TAX1BP1: variants seen among roughly 807,000 people sequenced by gnomAD.
TAX1BP1 encodes the protein Tax1 binding protein 1.
In TAX1BP1, 62 loss-of-function variants were observed where a neutral mutation model predicts 97.7. The ratio of observed to expected loss-of-function variants is 0.63; its 90% confidence interval spans 0.52 to 0.78. TAX1BP1 has a LOEUF of 0.78. TAX1BP1 is among the 30% of genes least tolerant of loss of function. The pLI is 0.00. For synonymous variants in TAX1BP1, 340 were observed against 304.2 expected (o/e 1.12, Z -1.23); for missense variants, 867 against 916.1 (o/e 0.95, Z 0.69).
chr7:27,800,143 A>G, intron 13 of TAX1BP1, 53 bp downstream of exon 13: 2 of 1,458,876 alleles, frequency 1.4e-6, no homozygotes, highest in Non-Finnish European at 1.8e-6. Context: ...TCTGAAAATT[A>G]GTTATGTATA....
rs1054048756 is a variant in TAX1BP1, at chr7:27,810,226, G to A, written c.1765-6123G>A. On this transcript the variant is annotated intron_variant, in intron 13 of 16. Transcript: ENST00000396319. Reference sequence around the variant, plus strand: ...ACAGCCCTTTTTTTTTTTTTGAATCGTGTTTGAAATGTTTCTTGGATTTAA... The same window carrying A: ...ACAGCCCTTTTTTTTTTTTTGAATCATGTTTGAAATGTTTCTTGGATTTAA... Among the ~76,000 whole-genome samples the A allele has an allele frequency of 1.9e-4, 29 of 149,252 alleles. 1 individual carries two copies. The East Asian group carries it at 3.9e-3, about 20-fold the overall frequency.
chr7:27,792,426 A>G (rs1165842217), intron 9 of TAX1BP1, among the ~76,000 whole-genome samples, 196 bp downstream of exon 9: 1 of 152,230 alleles, frequency 6.6e-6, no homozygotes, highest in Non-Finnish European at 1.5e-5. Context: ...TTCTGTAAGC[A>G]GAATTCTTAA....
At chr7:27,761,602 T>G (rs768401426) in intron 3 of TAX1BP1, among the ~76,000 whole-genome samples, 23 of 152,252 alleles carry the variant, frequency 1.5e-4, no homozygotes, top group Non-Finnish European at 2.9e-4. Context: ...CTTTTCAGAT[T>G]GGCTTCTTTT....
chr7:27,787,701 T>C (rs1789540928), intron 8 of TAX1BP1, 98 bp downstream of exon 8: 1 of 1,165,448 alleles, frequency 8.6e-7, no homozygotes, highest in Admixed American at 3.2e-5. Context: ...GCTTTTGTTC[T>C]AAAAAAGTTC....
intron 11 of TAX1BP1, among the ~76,000 whole-genome samples, chr7:27,794,898 G>T (rs566756515): frequency 6.6e-6 from 1 of 151,944 alleles, no homozygotes; most frequent in African/African-American, 2.4e-5. Context: ...TGGCTGCTTT[G>T]GATCAATGGG....
intron 3 of TAX1BP1, among the ~76,000 whole-genome samples, chr7:27,764,714 GT>G (rs1242152444): frequency 4.6e-5 from 7 of 151,990 alleles, no homozygotes; most frequent in Non-Finnish European, 1.0e-4. Flanking sequence ...TTATTGTGGT[GT>G]TTGCCTAATG....
chr7:27,767,731 A>G (rs1788694710), intron 4 of TAX1BP1, among the ~76,000 whole-genome samples: 1 of 152,040 alleles, frequency 6.6e-6, no homozygotes, highest in African/African-American at 2.4e-5. Context: ...TGGCATTCAC[A>G]TTTATCTTGT....
At chr7:27,826,678 C>T (rs965387001) in intron 15 of TAX1BP1, among the ~76,000 whole-genome samples, 4 of 152,190 alleles carry the variant, frequency 2.6e-5, no homozygotes, top group African/African-American at 4.8e-5. Flanking sequence ...TGATGTAGCA[C>T]GTACAGATCT....
chr7:27,777,953 A>G (rs958595584), intron 5 of TAX1BP1, among the ~76,000 whole-genome samples: 1 of 152,138 alleles, frequency 6.6e-6, no homozygotes, highest in African/African-American at 2.4e-5. Flanking sequence ...TTATCTTGGC[A>G]CGATTTTAGT....
At position 27,765,845 on chromosome 7, in the gene TAX1BP1, C is replaced by A; in HGVS notation, c.277C>A (p.Pro93Thr). 1 of 1,613,382 alleles carries A rather than the reference C, an allele frequency of 6.2e-7. No individual in the cohort carries two copies. Among genetic ancestry groups the A allele is most frequent in the East Asian group, 2.2e-5 (1 of 44,858 alleles). ...CVLAFQGYYL[P>T]NDDGEFYQFC... ...TAACTTCCTCTTAGGATATTACCTTCCAAATGATGATGGAGAATTTTATCA... is the reference window on the plus strand; with the variant it reads ...TAACTTCCTCTTAGGATATTACCTTACAAATGATGATGGAGAATTTTATCA... The change falls in exon 4 of 17, where the codon CCA becomes ACA. Residue 93 changes from proline (P) to threonine (T), a missense_variant. Around this residue, in one of 3 missense-constraint regions of TAX1BP1, gnomAD observed 822 missense variants for 851.4 expected, o/e 0.97. Transcript: ENST00000396319.
At chr7:27,789,125 C>T (rs931510800) in intron 8 of TAX1BP1, among the ~76,000 whole-genome samples, 3 of 151,964 alleles carry the variant, frequency 2.0e-5, no homozygotes, top group Admixed American at 1.3e-4. Context: ...AATAAATGTA[C>T]TAAATAAAGC....
rs1469308891 is a variant in TAX1BP1 at position 27,816,966 on chromosome 7, C to A, written c.2013C>A (p.Asp671Glu). 1 of 1,613,964 alleles carries A rather than the reference C, an allele frequency of 6.2e-7. No homozygotes were observed. Among genetic ancestry groups the A allele is most frequent in the Non-Finnish European group, 8.5e-7 (1 of 1,179,998 alleles). The change falls in exon 15 of 17, where the codon GAC becomes GAA. Residue 671 changes from aspartate to glutamate, a missense_variant. Asp to Glu is a conservative substitution (Grantham distance 45). Transcript: ENST00000396319. ...PVRVPSWGLE[D>E]NVVCSQPARN... ...GAGTCCCCTCTTGGGGACTGGAAGA[C>A]AATGTTGTCTGCAGCCAGCCTGCTC...
At chr7:27,771,321 G>C (rs1788842409) in intron 5 of TAX1BP1, among the ~76,000 whole-genome samples, 1 of 150,152 alleles carries the variant, frequency 6.7e-6, no homozygotes. Flanking sequence ...CATGAAAAAG[G>C]CCCATTTCAC....
At chr7:27,750,331 T>C (rs1317793419) in intron 2 of TAX1BP1, among the ~76,000 whole-genome samples, 1 of 152,218 alleles carries the variant, frequency 6.6e-6, no homozygotes, top group African/African-American at 2.4e-5. Flanking sequence ...GCAAAGGAAA[T>C]GCTTATTGGA....
intron 7 of TAX1BP1, among the ~76,000 whole-genome samples, chr7:27,786,218 G>A (rs953175036): frequency 3.3e-5 from 5 of 150,164 alleles, no homozygotes; most frequent in Non-Finnish European, 7.4e-5. Flanking sequence ...TGCAAGCTCT[G>A]CCTCTCGGGT....
In TAX1BP1 at chr7:27,762,407, TAACTTATTTTTTAA is replaced by T. The variant is rs1328600896; in HGVS notation, c.266-3426_266-3413del. On this transcript the variant is annotated intron_variant, in intron 3 of 16. Coordinates refer to ENST00000396319, the MANE Select transcript of TAX1BP1 (RefSeq NM_006024.7). ...TTAAAAAATAAGTTAACTGCCAGGT[TAACTTATTTTTTAA>T]GTGGTGACTCACACCTGTAATCTCA... is the stretch of plus-strand genomic sequence containing the variant. Among the ~76,000 whole-genome samples, 4 of 152,214 alleles carry T rather than the reference TAACTTATTTTTTAA, an allele frequency of 2.6e-5. No homozygotes were observed. In the South Asian group the frequency reaches 8.3e-4, roughly 32 times the overall value.
chr7:27,800,875 C>T (rs946307747), intron 13 of TAX1BP1, among the ~76,000 whole-genome samples: 10 of 152,080 alleles, frequency 6.6e-5, no homozygotes, highest in African/African-American at 1.2e-4. Flanking sequence ...GAGGCTGAGG[C>T]GGGCGGATCA....
chr7:27,745,198 CT>C (rs1787773039), intron 1 of TAX1BP1, among the ~76,000 whole-genome samples: 4 of 152,286 alleles, frequency 2.6e-5, no homozygotes, highest in Admixed American at 2.6e-4. Flanking sequence ...GAGTGTACTT[CT>C]CTCCAACTGA....
At chr7:27,746,970 G>A (rs553860274) in intron 1 of TAX1BP1, among the ~76,000 whole-genome samples, 1 of 152,192 alleles carries the variant, frequency 6.6e-6, no homozygotes, top group African/African-American at 2.4e-5. Context: ...AAAAGAAACA[G>A]TTGTAAAAGC....
Sources: gnomAD v4.1 joint callset for allele counts (sites outside exome capture counted in the v4.1 genomes callset) on GRCh38, gnomAD v4.1.1 for gene constraint, gnomAD v4.1.1 regional missense constraint, MANE v1.5 for transcripts, NCBI Gene and HGNC (gene_info 2026-07-23, HGNC 2026-07-21) for gene names.